Variants in LRBA observed in about 807,000 individuals in gnomAD.
LRBA encodes lipopolysaccharide-responsive and beige-like anchor protein.
A neutral mutation model predicts 330.0 loss-of-function variants in LRBA; 176 were observed. That is an observed-to-expected ratio of 0.53 (90% CI 0.47 to 0.60). The LOEUF (loss-of-function observed/expected upper bound fraction) is 0.60, where lower values mean the gene tolerates loss of function less well. Ranked by LOEUF, LRBA falls within the 20% of genes least tolerant of loss-of-function variation. The pLI is 0.00. For missense variants in LRBA, 3,259 were observed against 3,444.8 expected, an observed-to-expected ratio of 0.95 and a Z score of 1.35; for synonymous variants, 1,230 against 1,193.0, an observed-to-expected ratio of 1.03 and a Z score of -0.64.
In LRBA at chr4:150,840,257, C is replaced by A. The variant is rs547182018; in HGVS notation, c.4569+3843G>T. On this transcript the variant is annotated intron_variant, in intron 28 of 56. Transcript: ENST00000651943. Reference sequence around the variant, plus strand: ...TGGAGTAATCGTTTACTTTTAATTTCCTTTAAGAACTTTGCATTTGCCTTC... The same window carrying A: ...TGGAGTAATCGTTTACTTTTAATTTACTTTAAGAACTTTGCATTTGCCTTC... 5.9e-5 allele frequency among the ~76,000 whole-genome samples: 9 copies of A among 152,316 alleles called. No individual in the cohort carries two copies. In the South Asian group the frequency reaches 1.9e-3, roughly 32 times the overall value.
chr4:150,400,864 T>G (rs1446375132), intron 47 of LRBA, among the ~76,000 whole-genome samples: 1 of 151,974 alleles, frequency 6.6e-6, no homozygotes, highest in Non-Finnish European at 1.5e-5. Context: ...AAAAAAGAAG[T>G]TTTCTTTCAA....
At chr4:150,698,081 T>G (rs201836719) in intron 36 of LRBA, among the ~76,000 whole-genome samples, 1 of 152,190 alleles carries the variant, frequency 6.6e-6, no homozygotes, top group East Asian at 1.9e-4. Flanking sequence ...ATAAAATACT[T>G]TGTATTATAA....
At chr4:150,885,008 T>TA (rs1381470040) in intron 17 of LRBA, among the ~76,000 whole-genome samples, 32 of 151,886 alleles carry the variant, frequency 2.1e-4, no homozygotes, top group African/African-American at 6.3e-4. Flanking sequence ...AAGTACCATT[T>TA]AAAAATCAAG....
intron 47 of LRBA, among the ~76,000 whole-genome samples, chr4:150,397,238 T>G (rs1744855360): frequency 6.6e-6 from 1 of 152,184 alleles, no homozygotes. Context: ...TTCCTCTCAT[T>G]AAGTGCATAT....
At chr4:150,612,290 C>T (rs1389003903) in intron 37 of LRBA, among the ~76,000 whole-genome samples, 1 of 151,992 alleles carries the variant, frequency 6.6e-6, no homozygotes, top group Non-Finnish European at 1.5e-5. Context: ...CTGCATAATC[C>T]ATCACTTCCT....
chr4:150,761,419 TAAGA>T (rs1735071736), intron 35 of LRBA, among the ~76,000 whole-genome samples: 1 of 152,066 alleles, frequency 6.6e-6, no homozygotes, highest in Non-Finnish European at 1.5e-5. Context: ...GCGTGTGATA[TAAGA>T]AAGATAATAT....
In LRBA at chr4:150,952,498, TA is replaced by T. The variant is rs555222213; in HGVS notation, c.217-23434del. Among the ~76,000 whole-genome samples the T allele has an allele frequency of 4.2e-3, 643 of 151,654 alleles. 1 individual carries two copies. Among genetic ancestry groups the T allele is most frequent in the Non-Finnish European group, 6.9e-3 (465 of 67,876 alleles). On this transcript the variant is annotated intron_variant, in intron 2 of 56. Transcript: ENST00000651943. ...AATGAGCATATACTGCTTTAAACAA[TA>T]AAAAAAAGGACTTTAAAAAATCCAA...
intron 9 of LRBA, among the ~76,000 whole-genome samples, chr4:150,913,575 G>A (rs1248203264): frequency 6.6e-6 from 1 of 152,180 alleles, no homozygotes; most frequent in Non-Finnish European, 1.5e-5. Flanking sequence ...CAAGTCTTCT[G>A]TTTACTTATT....
In LRBA at chr4:150,683,533, C is replaced by CTA. The variant is rs778732736; in HGVS notation, c.5921+16_5921+17dup. 1.9e-6 allele frequency: 3 copies of CTA among 1,605,582 alleles called. No individual in the cohort carries two copies. Among genetic ancestry groups the CTA allele is most frequent in the Non-Finnish European group, 2.6e-6 (3 of 1,173,292 alleles). ...TCTACAGAAAATCAGTGGCCAAATC[C>CTA]TAAAGGTATCCCTTTACCTCACTGC... On this transcript the variant is annotated intron_variant, in intron 37 of 56. Transcript: ENST00000651943.
intron 37 of LRBA, among the ~76,000 whole-genome samples, chr4:150,603,669 T>A (rs1012504088): frequency 1.3e-5 from 2 of 152,154 alleles, no homozygotes; most frequent in African/African-American, 4.8e-5. Flanking sequence ...CTGGCTAATT[T>A]TTTTTATTTT....
At chr4:150,700,165 T>C (rs1784980159) in intron 36 of LRBA, among the ~76,000 whole-genome samples, 1 of 152,190 alleles carries the variant, frequency 6.6e-6, no homozygotes, top group South Asian at 2.1e-4. Context: ...TCTTTCATAT[T>C]TATTGATATT....
At chr4:150,555,594 C>CA (rs1388908653) in intron 40 of LRBA, among the ~76,000 whole-genome samples, 2 of 151,734 alleles carry the variant, frequency 1.3e-5, no homozygotes, top group Non-Finnish European at 2.9e-5. Context: ...ACTAAAAATA[C>CA]AAAAAAATTA....
intron 37 of LRBA, among the ~76,000 whole-genome samples, chr4:150,651,130 C>T (rs909869138): frequency 2.6e-5 from 4 of 152,078 alleles, no homozygotes; most frequent in Admixed American, 6.6e-5. Context: ...AATTATTATA[C>T]TGTAAAGCAC....
intron 46 of LRBA, among the ~76,000 whole-genome samples, chr4:150,417,460 A>G (rs1328221924): frequency 6.6e-6 from 1 of 152,174 alleles, no homozygotes; most frequent in East Asian, 1.9e-4. Context: ...AAGAGGGAGG[A>G]ACATGCTTTC....
At chr4:150,480,172 A>G (rs1315264059) in intron 42 of LRBA, among the ~76,000 whole-genome samples, 1 of 152,180 alleles carries the variant, frequency 6.6e-6, no homozygotes, top group African/African-American at 2.4e-5. Flanking sequence ...GGAAATAATC[A>G]GTAATTATGC....
At chr4:150,994,904 C>T (rs942155551) in intron 2 of LRBA, among the ~76,000 whole-genome samples, 5 of 152,146 alleles carry the variant, frequency 3.3e-5, no homozygotes, top group African/African-American at 1.2e-4. Context: ...CTGAAACCAG[C>T]CTCTCCCCTG....
intron 22 of LRBA, among the ~76,000 whole-genome samples, chr4:150,855,601 A>AT (rs1341487443): frequency 6.6e-6 from 1 of 152,034 alleles, no homozygotes; most frequent in Non-Finnish European, 1.5e-5. Context: ...AAGAAGTAAA[A>AT]CGTTACCAGT....
intron 40 of LRBA, among the ~76,000 whole-genome samples, chr4:150,512,793 T>C (rs1251250730): frequency 6.6e-6 from 1 of 151,062 alleles, no homozygotes; most frequent in African/African-American, 2.4e-5. Context: ...GAAACATGTT[T>C]CTGAACACCT....
chr4:150,749,507 G>A (rs1293400937), intron 35 of LRBA, among the ~76,000 whole-genome samples: 7 of 152,000 alleles, frequency 4.6e-5, no homozygotes, highest in African/African-American at 1.2e-4. Flanking sequence ...TATAATTCCT[G>A]CACTTTGGGA....
Sources: gnomAD v4.1 joint callset for allele counts (sites outside exome capture counted in the v4.1 genomes callset) on GRCh38, gnomAD v4.1.1 for gene constraint, MANE v1.5 for transcripts, NCBI Gene and HGNC (gene_info 2026-07-23, HGNC 2026-07-21) for gene names.